Variants in BCAS3 observed in about 807,000 individuals in gnomAD.
BCAS3 encodes the protein BCAS3 microtubule associated cell migration factor.
BCAS3 carries 53 observed loss-of-function variants against 116.1 expected under a neutral mutation model. That is an observed-to-expected ratio of 0.46 (90% confidence interval 0.37 to 0.57). BCAS3 has a LOEUF of 0.57. BCAS3 is among the 20% of genes least tolerant of loss of function. The pLI is 0.00. For missense variants in BCAS3, 917 were observed against 1,165.4 expected (o/e 0.79, Z 3.10); for synonymous variants, 391 against 408.2 (o/e 0.96, Z 0.51).
In BCAS3 at chr17:61,278,358, TAG is replaced by T. The variant is rs1311744917; in HGVS notation, c.2426-89965_2426-89964del. Among the ~76,000 whole-genome samples, 2 of 152,138 alleles carry T rather than the reference TAG, an allele frequency of 1.3e-5. No homozygotes were observed. The highest frequency in any genetic ancestry group is 4.8e-5 in the African/African-American group (2 of 41,426). ...TCCCAGATAATTTTTGTGTTTTTTG[TAG>T]AGACAGGGTTTCGCCATGTTCCCAG... On this transcript the variant is annotated intron_variant, in intron 22 of 23. Transcript: ENST00000407086. This position sits in a 1 kb window ranked among gnomAD's most constrained non-coding sequence, Gnocchi z 5.8.
intron 13 of BCAS3, among the ~76,000 whole-genome samples, chr17:60,943,345 T>A (rs2060320499): frequency 6.6e-6 from 1 of 152,108 alleles, no homozygotes; most frequent in South Asian, 2.1e-4. Context: ...ACCCAACTGT[T>A]ATCTAAAAGA....
chr17:60,678,869 C>T (rs1219738856), intron 1 of BCAS3, among the ~76,000 whole-genome samples: 1 of 152,040 alleles, frequency 6.6e-6, no homozygotes, highest in Admixed American at 6.6e-5. Context: ...AACAACAGAC[C>T]AAGGGGTACA....
Position 61,204,469 on chromosome 17 carries a change from T to C in BCAS3, c.2425+119905T>C, listed in dbSNP as rs927581141. 3.9e-5 allele frequency among the ~76,000 whole-genome samples: 6 copies of C among 152,182 alleles called. No individual in the cohort carries two copies. Among genetic ancestry groups the C allele is most frequent in the African/African-American group, 1.2e-4 (5 of 41,450 alleles). ...ATTTGACTGCGCATTATGTGAAAAA[T>C]TGAATTTGGGAAACATTGAGTGGAA... On this transcript the variant is annotated intron_variant, in intron 22 of 23. Transcript: ENST00000407086. The surrounding 1 kb of genome is among the most constrained non-coding windows in gnomAD (Gnocchi z 4.2).
intron 4 of BCAS3, among the ~76,000 whole-genome samples, chr17:60,695,319 C>T (rs2035451008): frequency 6.6e-6 from 1 of 152,046 alleles, no homozygotes; most frequent in African/African-American, 2.4e-5. Context: ...GGGGTTTCAT[C>T]ATGTTGGCCA....
rs1384933503 is a variant in BCAS3, at chr17:61,084,834, G to A, written c.2425+270G>A. ...ATTGAAGGCTACAGGGTTGATGACTGTTTTGCCTTTGATCACTGAAATGTG... is the reference window on the plus strand; with the variant it reads ...ATTGAAGGCTACAGGGTTGATGACTATTTTGCCTTTGATCACTGAAATGTG... On this transcript the variant is annotated intron_variant, in intron 22 of 23. Coordinates refer to ENST00000407086, the MANE Select transcript of BCAS3 (RefSeq NM_017679.5). This position sits in a 1 kb window ranked among gnomAD's most constrained non-coding sequence, Gnocchi z 5.5. 6.6e-6 allele frequency among the ~76,000 whole-genome samples: 1 copy of A among 152,204 alleles called. No homozygotes were observed. Among genetic ancestry groups the A allele is most frequent in the African/African-American group, 2.4e-5 (1 of 41,454 alleles).
At chr17:60,728,699 C>T (rs1006074165) in intron 5 of BCAS3, among the ~76,000 whole-genome samples, 1 of 151,894 alleles carries the variant, frequency 6.6e-6, no homozygotes, top group Non-Finnish European at 1.5e-5. Context: ...AGGCTGGTCT[C>T]GGACTCCTGA....
chr17:61,308,353 C>G (rs928317616), intron 22 of BCAS3, among the ~76,000 whole-genome samples: 1 of 151,106 alleles, frequency 6.6e-6, no homozygotes, highest in African/African-American at 2.4e-5. Flanking sequence ...TTCCACCCCC[C>G]AACCCCCATC....
chr17:61,374,240 G>A (rs1318600595), intron 23 of BCAS3, among the ~76,000 whole-genome samples: 4 of 149,308 alleles, frequency 2.7e-5, no homozygotes, highest in East Asian at 2.0e-4. Flanking sequence ...GCACGATCTC[G>A]GCTCACTGCA....
chr17:61,119,574 T>C (rs1188938375), intron 22 of BCAS3, among the ~76,000 whole-genome samples: 3 of 152,072 alleles, frequency 2.0e-5, no homozygotes, highest in Admixed American at 6.6e-5. Context: ...ACCGACATCA[T>C]ATTTAATATG....
chr17:60,699,027 T>C (rs73332381), intron 4 of BCAS3, among the ~76,000 whole-genome samples: 10,618 of 151,996 alleles, frequency 0.07, 1,229 homozygotes, highest in African/African-American at 0.24. Context: ...CACTACACTC[T>C]AACCTTAGTG....
intron 19 of BCAS3, among the ~76,000 whole-genome samples, chr17:61,067,373 C>G (rs2070788741): frequency 7.0e-6 from 1 of 141,992 alleles, no homozygotes; most frequent in South Asian, 2.2e-4. Context: ...TTTCAAAGGT[C>G]AGCCCTAAAG....
intron 8 of BCAS3, among the ~76,000 whole-genome samples, chr17:60,872,560 C>T (rs957139387): frequency 4.7e-5 from 7 of 148,324 alleles, no homozygotes; most frequent in African/African-American, 1.8e-4. Context: ...TATACACACA[C>T]CCCCATATAT....
intron 14 of BCAS3, among the ~76,000 whole-genome samples, chr17:60,971,400 A>G (rs1036256918): frequency 6.6e-6 from 1 of 152,232 alleles, no homozygotes; most frequent in African/African-American, 2.4e-5. Context: ...GCTGTCATAC[A>G]AAAGCTTCCA....
chr17:61,067,297 ATATATATATATATATATATT>A (rs1416672670), intron 19 of BCAS3, among the ~76,000 whole-genome samples: 3 of 129,320 alleles, frequency 2.3e-5, no homozygotes, highest in African/African-American at 8.8e-5. Flanking sequence ...ATATATATAT[ATATATATATATATATATATT>A]TATACAGACT....
In BCAS3 at chr17:61,391,961, C is replaced by T; in HGVS notation, c.2594-16C>T. On this transcript the variant is annotated splice_polypyrimidine_tract_variant and intron_variant, in intron 23 of 23. Coordinates refer to ENST00000407086, the MANE Select transcript of BCAS3 (RefSeq NM_017679.5). This position sits in a 1 kb window ranked among gnomAD's most constrained non-coding sequence, Gnocchi z 7.7. ...CCCAACTCTAACCAGGCCTGGCCCT[C>T]TCCTGTGTCTTGCAGAACTTCAGCG... 4 of 1,612,548 alleles carry T rather than the reference C, an allele frequency of 2.5e-6. No individual in the cohort carries two copies. The highest frequency in any genetic ancestry group is 1.1e-5 in the South Asian group (1 of 90,960).
intron 19 of BCAS3, among the ~76,000 whole-genome samples, chr17:61,071,266 T>C (rs2071404368): frequency 6.6e-6 from 1 of 152,240 alleles, no homozygotes; most frequent in African/African-American, 2.4e-5. Context: ...TTTTCTTGTC[T>C]AGATTTTAGA....
chr17:61,067,148 G>A (rs1416768705), intron 19 of BCAS3, among the ~76,000 whole-genome samples: 1 of 150,210 alleles, frequency 6.7e-6, no homozygotes, highest in Non-Finnish European at 1.5e-5. Context: ...ATTTTGATTT[G>A]AAAAGTTATA....
chr17:60,930,303 T>G (rs2059578474), intron 13 of BCAS3, among the ~76,000 whole-genome samples: 1 of 152,244 alleles, frequency 6.6e-6, no homozygotes, highest in African/African-American at 2.4e-5. Context: ...AGAATACTTT[T>G]TACTAGTTTA....
At chr17:60,797,153 C>T (rs1022426977) in intron 6 of BCAS3, among the ~76,000 whole-genome samples, 5 of 152,132 alleles carry the variant, frequency 3.3e-5, no homozygotes, top group Non-Finnish European at 5.9e-5. Context: ...ACCTTGACCT[C>T]CCAGAGTGCT....
Sources: gnomAD v4.1 joint callset for allele counts (sites outside exome capture counted in the v4.1 genomes callset) on GRCh38, gnomAD v4.1.1 for gene constraint, Gnocchi (gnomAD v3.1) non-coding constraint, MANE v1.5 for transcripts, NCBI Gene and HGNC (gene_info 2026-07-23, HGNC 2026-07-21) for gene names.